Variants in PLA2G7 observed in about 807,000 individuals in gnomAD.
PLA2G7 encodes platelet-activating factor acetylhydrolase.
Under a neutral mutation model 49.6 loss-of-function variants are expected in PLA2G7, and 63 were observed. That is an observed-to-expected ratio of 1.27 (90% CI 1.04 to 1.57). The LOEUF is 1.57. PLA2G7 is among the 40% of genes most tolerant of loss of function. The pLI, the probability that PLA2G7 is intolerant of heterozygous loss-of-function variation, is 0.00. For missense variants in PLA2G7, 596 were observed against 521.2 expected (o/e 1.14, Z -1.40); for synonymous variants, 193 against 169.9 (o/e 1.14, Z -1.06).
intron 2 of PLA2G7, among the ~76,000 whole-genome samples, chr6:46,722,468 G>A (rs1006722679): frequency 5.9e-5 from 9 of 152,106 alleles, no homozygotes; most frequent in African/African-American, 2.2e-4. Context: ...GCATGCGTTA[G>A]GGCAGTCAGA....
intron 10 of PLA2G7, 152 bp downstream of exon 10, chr6:46,707,839 G>A: frequency 1.7e-6 from 1 of 596,458 alleles, no homozygotes; most frequent in South Asian, 2.0e-5. Flanking sequence ...AAGACTAAAT[G>A]TACTTAGAAA....
Position 46,724,520 on chromosome 6 carries a change from T to C in PLA2G7, c.-34-1595A>G, listed in dbSNP as rs45563839. 3.5e-3 allele frequency among the ~76,000 whole-genome samples: 527 copies of C among 152,334 alleles called. 2 individuals are homozygous for C. The highest frequency in any genetic ancestry group is 0.012 in the African/African-American group (501 of 41,584). ...TAATATAGATGTGTGGCACAGACAA[T>C]GAGTGCTCCTGAACATCTATGTGCT... is the stretch of plus-strand genomic sequence containing the variant. On this transcript the variant is annotated intron_variant, in intron 1 of 11. Transcript: ENST00000274793.
chr6:46,713,756 A>AT (rs1765108958), intron 5 of PLA2G7, among the ~76,000 whole-genome samples: 1 of 152,200 alleles, frequency 6.6e-6, no homozygotes, highest in African/African-American at 2.4e-5. Flanking sequence ...CTATCATGCT[A>AT]CAGACTGCAT....
At chr6:46,708,964 A>G (rs975624373) in intron 9 of PLA2G7, among the ~76,000 whole-genome samples, 1 of 152,208 alleles carries the variant, frequency 6.6e-6, no homozygotes, top group African/African-American at 2.4e-5. Context: ...AACCTAATTA[A>G]AAAATGTCCT....
intron 1 of PLA2G7, among the ~76,000 whole-genome samples, chr6:46,730,377 G>A (rs2150714169): frequency 6.6e-6 from 1 of 152,270 alleles, no homozygotes; most frequent in Middle Eastern, 3.4e-3. Flanking sequence ...TACAGGTTTG[G>A]GGACTACCAG....
intron 1 of PLA2G7, among the ~76,000 whole-genome samples, chr6:46,724,419 G>A (rs181995678): frequency 4.6e-5 from 7 of 152,258 alleles, no homozygotes; most frequent in South Asian, 2.1e-4. Context: ...AATACAAACC[G>A]AGCCAAGTTT....
chr6:46,730,858 G>A (rs1242486783), intron 1 of PLA2G7, among the ~76,000 whole-genome samples: 1 of 152,114 alleles, frequency 6.6e-6, no homozygotes, highest in Admixed American at 6.6e-5. Context: ...AGAAAAATAT[G>A]GTGGTTGATA....
At chr6:46,734,544 C>A (rs1006606596) in intron 1 of PLA2G7, among the ~76,000 whole-genome samples, 2 of 150,696 alleles carry the variant, frequency 1.3e-5, no homozygotes, top group Admixed American at 1.3e-4. Flanking sequence ...AACTCCGGGG[C>A]GGGCGCGGTG....
intron 7 of PLA2G7, 78 bp downstream of exon 7, chr6:46,711,418 T>C: frequency 6.6e-7 from 1 of 1,524,024 alleles, no homozygotes; most frequent in South Asian, 1.1e-5. Context: ...TTGCCAGGTG[T>C]AAAATTAAAT....
Position 46,716,516 on chromosome 6 carries a change from G to T in PLA2G7, c.244C>A (p.Arg82Ser), listed in dbSNP as rs143106370. The T allele has an allele frequency of 1.5e-5, 25 of 1,613,434 alleles. No individual in the cohort carries two copies. Among genetic ancestry groups the T allele is most frequent in the East Asian group, 2.2e-5 (1 of 44,860 alleles). ...FDHTNKGTFL[R>S]LYYPSQDNDR... is the part of the protein sequence containing the mutation. ...TTATCTTGGGATGGATAATATAAAC[G>T]CAAGAAGGTGCCCTGTTAAGAAAGA... The change falls in exon 4 of 12, where the codon CGT becomes AGT. Residue 82 changes from arginine to serine, a missense_variant. Transcript: ENST00000274793.
intron 10 of PLA2G7, among the ~76,000 whole-genome samples, chr6:46,706,106 T>C (rs913330713): frequency 2.6e-5 from 4 of 152,218 alleles, no homozygotes; most frequent in African/African-American, 9.6e-5. Context: ...TCATGTAAAT[T>C]ATGTAATCAT....
At chr6:46,734,466 GA>G (rs1765845965) in intron 1 of PLA2G7, among the ~76,000 whole-genome samples, 1 of 127,904 alleles carries the variant, frequency 7.8e-6, no homozygotes, top group African/African-American at 3.6e-5. Context: ...GAGAGAGAGA[GA>G]GAGAGAGAGA....
At position 46,704,252 on chromosome 6, in the gene PLA2G7, A is replaced by G; in HGVS notation, c.*308T>C. Reference sequence around the variant, plus strand: ...ATCTACTTGTCTGTCAAAGTAATGTAAAAACAGTTTTTAACTTCGACACTG... The same window carrying G: ...ATCTACTTGTCTGTCAAAGTAATGTGAAAACAGTTTTTAACTTCGACACTG... On this transcript the variant is annotated 3_prime_UTR_variant, in exon 12 of 12. Transcript: ENST00000274793. The G allele has an allele frequency of 3.3e-6, 1 of 299,700 alleles. No individual in the cohort carries two copies. The highest frequency in any genetic ancestry group is 3.8e-5 in the South Asian group (1 of 26,334). 18.6% of individuals were successfully genotyped at this position (299,700 alleles called of 1,614,324 possible). A position where few individuals can be genotyped will look rare whatever the true frequency, so the allele number is the denominator to read the frequency against.
At chr6:46,711,415 G>C in intron 7 of PLA2G7, 81 bp downstream of exon 7, 1 of 1,466,984 alleles carries the variant, frequency 6.8e-7, no homozygotes, top group South Asian at 1.1e-5. Context: ...AACTTGCCAG[G>C]TGTAAAATTA....
chr6:46,716,891 G>T, intron 3 of PLA2G7, 84 bp downstream of exon 3: 1 of 1,375,390 alleles, frequency 7.3e-7, no homozygotes, highest in East Asian at 2.3e-5. Context: ...GTGAGGGCAA[G>T]GTCACATTTG....
chr6:46,711,071 A>T (rs1765004819), intron 7 of PLA2G7, among the ~76,000 whole-genome samples: 1 of 152,070 alleles, frequency 6.6e-6, no homozygotes, highest in Non-Finnish European at 1.5e-5. Flanking sequence ...TCATTATTCT[A>T]TAACAAAATT....
At chr6:46,712,077 A>G (rs1765048710) in intron 6 of PLA2G7, among the ~76,000 whole-genome samples, 192 bp downstream of exon 6, 1 of 152,120 alleles carries the variant, frequency 6.6e-6, no homozygotes, top group South Asian at 2.1e-4. Flanking sequence ...GGCAATAAAC[A>G]CTCTAGAAAT....
At chr6:46,724,043 T>C (rs926431165) in intron 1 of PLA2G7, among the ~76,000 whole-genome samples, 10 of 152,180 alleles carry the variant, frequency 6.6e-5, no homozygotes, top group African/African-American at 2.4e-4. Flanking sequence ...ATGGGAATGC[T>C]CTTTGCTCTG....
At chr6:46,716,894 C>A in intron 3 of PLA2G7, 81 bp downstream of exon 3, 2 of 1,407,638 alleles carry the variant, frequency 1.4e-6, no homozygotes, top group South Asian at 2.3e-5. Context: ...AGGGCAAGGT[C>A]ACATTTGAAC....
Sources: gnomAD v4.1 joint callset for allele counts (sites outside exome capture counted in the v4.1 genomes callset) on GRCh38, gnomAD v4.1.1 for gene constraint, MANE v1.5 for transcripts, NCBI Gene and HGNC (gene_info 2026-07-23, HGNC 2026-07-21) for gene names.